Variants in CACNA1S observed in about 807,000 individuals in gnomAD.
CACNA1S encodes the protein calcium voltage-gated channel subunit alpha1 S.
A neutral mutation model predicts 207.4 loss-of-function variants in CACNA1S; 126 were observed. The ratio of observed to expected loss-of-function variants is 0.61; its 90% CI spans 0.53 to 0.70. CACNA1S has a LOEUF of 0.70. Among genes scored for constraint, CACNA1S ranks in the 30% least tolerant of loss-of-function variants. The pLI is 0.00. For synonymous variants in CACNA1S, 960 were observed against 932.7 expected, an observed-to-expected ratio of 1.03 and a Z score of -0.53; for missense variants, 2,349 against 2,422.8, an observed-to-expected ratio of 0.97 and a Z score of 0.64.
Position 201,077,951 on chromosome 1 carries a change from G to A in CACNA1S, c.1547C>T (p.Ser516Leu), listed in dbSNP as rs140662085. The change falls in exon 11 of 44, where the codon TCG (serine) becomes TTG (leucine). Residue 516 changes from serine to leucine, a missense_variant. Coordinates refer to ENST00000362061, the MANE Select transcript of CACNA1S (RefSeq NM_000069.3). ...SGILEILLVE[S>L]GAMTPLGISV... ...GATGCCCAGGGGTGTCATGGCACCC[G>A]ACTCCACCAGCAGGATCTCCAGGAT... 1.4e-3 allele frequency: 2,195 copies of A among 1,614,134 alleles called. 8 individuals carry two copies. The highest frequency in any genetic ancestry group is 1.1e-3 in the Non-Finnish European group (1,343 of 1,179,972).
intron 2 of CACNA1S, among the ~76,000 whole-genome samples, chr1:201,107,474 C>T (rs1307836554): frequency 6.6e-6 from 1 of 152,214 alleles, no homozygotes; most frequent in Non-Finnish European, 1.5e-5. Flanking sequence ...TGTAATGAAG[C>T]TCTGTGAAGA....
rs773738696 is a variant in CACNA1S, at chr1:201,054,508, G to A, written c.3663C>T (p.Asn1221=). 32 of 1,613,670 alleles carry A rather than the reference G, an allele frequency of 2.0e-5. No individual in the cohort carries two copies. Among genetic ancestry groups the A allele is most frequent in the East Asian group, 1.3e-4 (6 of 44,886 alleles). The change falls in exon 29 of 44, where the codon AAC becomes AAT. Residue 1221 remains asparagine, a synonymous_variant. Transcript: ENST00000362061. Reference sequence around the variant, plus strand: ...GGCTCGTGCAGCCTGAAATTACAACGTTCCCGCAGCCTCCACCCAGGCAAT... The same window carrying A: ...GGCTCGTGCAGCCTGAAATTACAACATTCCCGCAGCCTCCACCCAGGCAAT... ...GLYCLGGGCG[N]VDPDESARIS... is the part of the protein sequence containing the mutation.
intron 6 of CACNA1S, among the ~76,000 whole-genome samples, chr1:201,088,374 C>G (rs1207506402): frequency 6.6e-6 from 1 of 152,252 alleles, no homozygotes; most frequent in Non-Finnish European, 1.5e-5. Flanking sequence ...GCTGTCTCTC[C>G]TCACAGGCTT....
chr1:201,105,800 G>A (rs1416846583), intron 2 of CACNA1S, among the ~76,000 whole-genome samples: 2 of 152,128 alleles, frequency 1.3e-5, no homozygotes, highest in African/African-American at 2.4e-5. Context: ...AGCCAGTGCT[G>A]GCAGAAGGGA....
chr1:201,059,163 T>TGAGAAG, intron 27 of CACNA1S, 26 bp downstream of exon 27: 1 of 1,466,016 alleles, frequency 6.8e-7, no homozygotes, highest in Non-Finnish European at 9.6e-7. Context: ...CAGCTTCTCA[T>TGAGAAG]CTGGCCCGGT....
At chr1:201,041,639 C>T (rs368348432) in intron 40 of CACNA1S, 50 bp from the exon 41 acceptor site, 12 of 1,367,338 alleles carry the variant, frequency 8.8e-6, no homozygotes, top group South Asian at 3.5e-5. Flanking sequence ...CTAGCTCTCT[C>T]GGCATCCCTG....
chr1:201,106,347 A>G (rs1358111947), intron 2 of CACNA1S, among the ~76,000 whole-genome samples: 1 of 151,274 alleles, frequency 6.6e-6, no homozygotes, highest in South Asian at 2.1e-4. Context: ...ACCCCAATCC[A>G]TGCTCCACAT....
intron 2 of CACNA1S, among the ~76,000 whole-genome samples, chr1:201,102,617 C>A (rs1242928927): frequency 1.3e-5 from 2 of 152,192 alleles, no homozygotes; most frequent in African/African-American, 4.8e-5. Flanking sequence ...TCATCATCCT[C>A]CCTAGCTTCG....
intron 4 of CACNA1S, 73 bp downstream of exon 4, chr1:201,091,899 G>C: frequency 6.2e-7 from 1 of 1,608,108 alleles, no homozygotes; most frequent in Non-Finnish European, 8.5e-7. Context: ...AGGTAGGAAG[G>C]GGACCCAGAA....
Position 201,091,689 on chromosome 1 carries a change from C to T in CACNA1S, c.645G>A (p.Leu215=). ...TGTGCATCTTGCCCTTGAAGAGCTC[C>T]AGCCCGATGATGGCATAGATGATGA... ...FMVIIYAIIG[L]ELFKGKMHKT... The change falls in exon 5 of 44, where the codon CTG becomes CTA. Residue 215 remains leucine (L), a synonymous_variant. Transcript: ENST00000362061. The T allele has an allele frequency of 6.2e-7, 1 of 1,614,222 alleles. No homozygotes were observed. Among genetic ancestry groups the T allele is most frequent in the Non-Finnish European group, 8.5e-7 (1 of 1,180,044 alleles).
chr1:201,072,700 C>T, intron 16 of CACNA1S, 55 bp downstream of exon 16: 1 of 1,355,872 alleles, frequency 7.4e-7, no homozygotes, highest in Non-Finnish European at 1.1e-6. Flanking sequence ...TCAGGACCGG[C>T]ACACCCCTAC....
Position 201,070,351 on chromosome 1 carries a change from G to A in CACNA1S, c.2281C>T (p.Leu761=), listed in dbSNP as rs746563591. 14 of 1,614,000 alleles carry A rather than the reference G, an allele frequency of 8.7e-6. No individual in the cohort carries two copies. The highest frequency in any genetic ancestry group is 6.7e-5 in the Admixed American group (4 of 60,012). ...TTCTCTTTCAGCTGCAGCTCAGCCAGGGGACGTGGTCGGGGGCTCAGCGGG... is the reference window on the plus strand; with the variant it reads ...TTCTCTTTCAGCTGCAGCTCAGCCAAGGGACGTGGTCGGGGGCTCAGCGGG... ...EIPLSPRPRP[L]AELQLKEKAV... Residue 761 remains leucine, a synonymous_variant, in exon 17 of 44, where the codon CTG becomes TTG. Coordinates refer to ENST00000362061, the MANE Select transcript of CACNA1S (RefSeq NM_000069.3).
Position 201,063,471 on chromosome 1 carries a change from G to A in CACNA1S, c.2854-957C>T, listed in dbSNP as rs117758503. ...TGCCCAGCTAATTTTTGTATTTTTA[G>A]TGAGAAGGGGTTTCACCATGTTGGT... On this transcript the variant is annotated intron_variant, in intron 22 of 43. Transcript: ENST00000362061. Among the ~76,000 whole-genome samples the A allele has an allele frequency of 0.013, 1,953 of 152,092 alleles. 84 individuals are homozygous for A. The East Asian group carries it at 0.15, about 12-fold the overall frequency.
At chr1:201,062,192 G>T in intron 23 of CACNA1S, 102 bp from the exon 24 acceptor site, 1 of 1,449,156 alleles carries the variant, frequency 6.9e-7, no homozygotes, top group Admixed American at 1.9e-5. Flanking sequence ...GAGAAATGAA[G>T]TTCCAGATCT....
intron 19 of CACNA1S, among the ~76,000 whole-genome samples, chr1:201,067,324 C>T (rs1661283566): frequency 6.6e-6 from 1 of 152,124 alleles, no homozygotes; most frequent in Non-Finnish European, 1.5e-5. Context: ...AAAACTTCTC[C>T]TTCCTGGAAA....
chr1:201,041,625 G>A (rs1435040858), intron 40 of CACNA1S, 36 bp from the exon 41 acceptor site: 5 of 1,498,580 alleles, frequency 3.3e-6, no homozygotes, highest in Non-Finnish European at 4.7e-6. Context: ...ACCAGAGAAG[G>A]CTGCTAGCTC....
chr1:201,085,341 G>T, intron 8 of CACNA1S, 95 bp downstream of exon 8: 1 of 1,528,460 alleles, frequency 6.5e-7, no homozygotes, highest in Non-Finnish European at 9.1e-7. Flanking sequence ...AAGGACTAAT[G>T]TTGGACTTGC....
chr1:201,089,983 G>C (rs891582718), intron 5 of CACNA1S, among the ~76,000 whole-genome samples: 2 of 152,214 alleles, frequency 1.3e-5, no homozygotes. Flanking sequence ...ACTCTCCTTT[G>C]TTCCCCTGGA....
At position 201,053,196 on chromosome 1, in the gene CACNA1S, G is replaced by GCCTGCCTCTCA; in HGVS notation, c.3861+2_3861+12dup. ...AAGATCCATGCTTTGGCCTGGGCCC[G>GCCTGCCTCTCA]CCTGCCTCTCACCTGCATGCCGATG... On this transcript the variant is annotated intron_variant, in intron 31 of 43. Transcript: ENST00000362061. The surrounding 1 kb of genome is among the most constrained non-coding windows in gnomAD (Gnocchi z 5.1). The GCCTGCCTCTCA allele has an allele frequency of 6.2e-7, 1 of 1,614,134 alleles. No individual in the cohort carries two copies.
Sources: allele counts gnomAD v4.1 joint callset (sites outside exome capture counted in the v4.1 genomes callset), GRCh38; gene constraint gnomAD v4.1.1; non-coding constraint Gnocchi (gnomAD v3.1); transcripts MANE v1.5; gene names NCBI Gene and HGNC (gene_info 2026-07-23, HGNC 2026-07-21).